Variants in NPAS3 observed in about 807,000 individuals in gnomAD.
NPAS3 encodes the protein neuronal PAS domain-containing protein 3.
A neutral mutation model predicts 73.1 loss-of-function variants in NPAS3; 14 were observed. The ratio of observed to expected loss-of-function variants is 0.19; its 90% CI spans 0.13 to 0.30. The LOEUF (loss-of-function observed/expected upper bound fraction) is 0.30, where lower values mean the gene tolerates loss of function less well. NPAS3 is among the 10% of genes least tolerant of loss of function. The probability of loss-of-function intolerance (pLI) is 1.00; values close to 1 mark genes in which losing one functional copy is unlikely to be tolerated. For synonymous variants in NPAS3, 620 were observed against 541.5 expected (o/e 1.14, Z -2.01); for missense variants, 1,096 against 1,250.0 (o/e 0.88, Z 1.86).
At chr14:33,487,557 A>C (rs538043801) in intron 4 of NPAS3, among the ~76,000 whole-genome samples, 1 of 152,372 alleles carries the variant, frequency 6.6e-6, no homozygotes, top group African/African-American at 2.4e-5. Context: ...TCATTTTTAA[A>C]AAGGCTTACA....
At chr14:32,970,271 C>T (rs1412585760) in intron 1 of NPAS3, among the ~76,000 whole-genome samples, 7 of 152,086 alleles carry the variant, frequency 4.6e-5, no homozygotes, top group South Asian at 2.1e-4. Context: ...AAATGTTTGT[C>T]GTTACAGTTT....
chr14:33,657,950 C>T (rs144984620), intron 5 of NPAS3, among the ~76,000 whole-genome samples: 247 of 152,300 alleles, frequency 1.6e-3, no homozygotes, highest in East Asian at 5.4e-3. Context: ...TCCAAGCGCA[C>T]GCTCCTCGAA....
Position 33,255,800 on chromosome 14 carries a change from T to TG in NPAS3, c.385+40376dup, listed in dbSNP as rs1408409820. Reference sequence around the variant, plus strand: ...CTTTCACTAGATGCCAGCAATTAGATGGAATTTATTGAGGATTGATGGTCG... The same window carrying TG: ...CTTTCACTAGATGCCAGCAATTAGATGGGAATTTATTGAGGATTGATGGTCG... On this transcript the variant is annotated intron_variant, in intron 3 of 11. Transcript: ENST00000356141. Among the ~76,000 whole-genome samples the TG allele has an allele frequency of 4.0e-4, 61 of 152,126 alleles. 1 individual carries two copies. The highest frequency in any genetic ancestry group is 4.4e-5 in the Non-Finnish European group (3 of 68,022).
At chr14:33,329,218 C>T (rs1281302848) in intron 3 of NPAS3, among the ~76,000 whole-genome samples, 1 of 152,118 alleles carries the variant, frequency 6.6e-6, no homozygotes, top group Non-Finnish European at 1.5e-5. Context: ...GACCACCCTG[C>T]CCCCAGCCCC....
chr14:33,630,135 C>A (rs2058337965), intron 5 of NPAS3, among the ~76,000 whole-genome samples: 1 of 152,116 alleles, frequency 6.6e-6, no homozygotes, highest in Non-Finnish European at 1.5e-5. Flanking sequence ...CATGTATATC[C>A]ACTGAGAGAA....
intron 2 of NPAS3, among the ~76,000 whole-genome samples, chr14:33,066,826 G>A (rs183276603): frequency 1.8e-3 from 269 of 152,258 alleles, no homozygotes; most frequent in Non-Finnish European, 3.3e-3. Flanking sequence ...CCTTTCAGGG[G>A]CCCCATTCCT....
At chr14:33,522,355 A>C (rs1436726918) in intron 4 of NPAS3, among the ~76,000 whole-genome samples, 2 of 152,042 alleles carry the variant, frequency 1.3e-5, no homozygotes, top group Admixed American at 6.5e-5. Flanking sequence ...TATTATTTGA[A>C]GTGCCACCGC....
At chr14:33,696,451 G>T (rs1458855991) in intron 6 of NPAS3, among the ~76,000 whole-genome samples, 1 of 152,158 alleles carries the variant, frequency 6.6e-6, no homozygotes, top group Non-Finnish European at 1.5e-5. Context: ...ATAAACACGA[G>T]AGTGCTTCAT....
At chr14:33,466,972 TAA>T (rs2050557135) in intron 4 of NPAS3, among the ~76,000 whole-genome samples, 1 of 152,190 alleles carries the variant, frequency 6.6e-6, no homozygotes, top group Non-Finnish European at 1.5e-5. Context: ...AAGGTTAGGC[TAA>T]AAGTTTCATG....
At chr14:33,274,357 T>G (rs2041234401) in intron 3 of NPAS3, among the ~76,000 whole-genome samples, 1 of 152,184 alleles carries the variant, frequency 6.6e-6, no homozygotes, top group Non-Finnish European at 1.5e-5. Context: ...CATCTCAAGG[T>G]AAACATGTCC....
intron 3 of NPAS3, among the ~76,000 whole-genome samples, chr14:33,347,589 C>T (rs528717094): frequency 1.2e-4 from 18 of 152,264 alleles, no homozygotes; most frequent in African/African-American, 3.4e-4. Flanking sequence ...GACAGGTAGT[C>T]GGAGCCCAGA....
At chr14:33,495,054 T>C (rs2052102435) in intron 4 of NPAS3, among the ~76,000 whole-genome samples, 1 of 152,122 alleles carries the variant, frequency 6.6e-6, no homozygotes, top group African/African-American at 2.4e-5. Context: ...TCTAGTTCTT[T>C]TCATTGTGGT....
At chr14:32,968,846 T>C (rs2783755) in intron 1 of NPAS3, among the ~76,000 whole-genome samples, 146,398 of 151,324 alleles carry the variant, frequency 0.97, 70,995 homozygotes, top group Non-Finnish European at 1. Context: ...CATAGGTAAA[T>C]GTGCGCCATG....
At chr14:33,271,420 G>T (rs2041073076) in intron 3 of NPAS3, among the ~76,000 whole-genome samples, 1 of 151,634 alleles carries the variant, frequency 6.6e-6, no homozygotes, top group African/African-American at 2.4e-5. Flanking sequence ...CCTTGGGGAA[G>T]AAGGATTCTG....
rs145837139 is a variant in NPAS3 at position 33,250,268 on chromosome 14, T to C, written c.385+34842T>C. On this transcript the variant is annotated intron_variant, in intron 3 of 11. Transcript: ENST00000356141. ...TGCTAAGAAAACCTAGTGATGTTGGTAGGGTATAATAAGGAGTTTCTCATT... is the reference window on the plus strand; with the variant it reads ...TGCTAAGAAAACCTAGTGATGTTGGCAGGGTATAATAAGGAGTTTCTCATT... Among the ~76,000 whole-genome samples, 44 of 152,024 alleles carry C rather than the reference T, an allele frequency of 2.9e-4. 1 individual carries two copies. The East Asian group carries it at 3.1e-3, about 11-fold the overall frequency.
At chr14:33,153,920 T>A (rs1359507980) in intron 2 of NPAS3, among the ~76,000 whole-genome samples, 2 of 152,182 alleles carry the variant, frequency 1.3e-5, no homozygotes, top group Admixed American at 1.3e-4. Context: ...ATGGCTGATA[T>A]CTCTTCCCCT....
intron 2 of NPAS3, among the ~76,000 whole-genome samples, chr14:33,182,872 TTATAG>T (rs1419168600): frequency 6.6e-6 from 1 of 152,190 alleles, no homozygotes; most frequent in Non-Finnish European, 1.5e-5. Flanking sequence ...TTCCACTTCT[TTATAG>T]TACCCAGGCT....
At chr14:33,268,879 A>C (rs1039829204) in intron 3 of NPAS3, among the ~76,000 whole-genome samples, 2 of 152,168 alleles carry the variant, frequency 1.3e-5, no homozygotes, top group African/African-American at 4.8e-5. Context: ...AGAGAGACAG[A>C]GGAGGAAGGC....
chr14:33,230,290 A>C (rs889328860), intron 3 of NPAS3, among the ~76,000 whole-genome samples: 1 of 152,188 alleles, frequency 6.6e-6, no homozygotes, highest in African/African-American at 2.4e-5. Flanking sequence ...CATAGACACC[A>C]TGCAGTTTTT....
Sources: allele counts gnomAD v4.1 joint callset (sites outside exome capture counted in the v4.1 genomes callset), GRCh38; gene constraint gnomAD v4.1.1; transcripts MANE v1.5; gene names NCBI Gene and HGNC (gene_info 2026-07-23, HGNC 2026-07-21).